Variants in MDN1 observed in about 807,000 individuals in gnomAD.
MDN1 encodes midasin AAA ATPase 1.
In MDN1, 266 loss-of-function variants were observed where a neutral mutation model predicts 669.2. The ratio of observed to expected loss-of-function variants is 0.40; its 90% CI spans 0.36 to 0.44. MDN1 has a LOEUF of 0.44. MDN1 is among the 20% of genes least tolerant of loss of function. MDN1 has a pLI of 1.00. For missense variants in MDN1, 5,940 were observed against 6,754.0 expected (o/e 0.88, Z 4.22); for synonymous variants, 2,385 against 2,457.1 (o/e 0.97, Z 0.87).
chr6:89,814,056 C>T (rs1474429156), intron 1 of MDN1, among the ~76,000 whole-genome samples: 2 of 151,954 alleles, frequency 1.3e-5, no homozygotes, highest in African/African-American at 4.8e-5. Flanking sequence ...CTCTCCAGAT[C>T]CTGTCTTAAA....
intron 37 of MDN1, among the ~76,000 whole-genome samples, chr6:89,726,561 T>A (rs1228227738): frequency 2.0e-5 from 3 of 151,452 alleles, no homozygotes; most frequent in Non-Finnish European, 4.4e-5. Context: ...GTTAACTCTT[T>A]AAATACTTTC....
At chr6:89,712,536 G>T in intron 48 of MDN1, 39 bp downstream of exon 48, 5 of 1,586,132 alleles carry the variant, frequency 3.2e-6, no homozygotes, top group Non-Finnish European at 4.3e-6. Context: ...ATAAAAACCA[G>T]CCAAGAAACC....
intron 53 of MDN1, among the ~76,000 whole-genome samples, chr6:89,705,590 A>G (rs1813460649): frequency 6.6e-6 from 1 of 152,232 alleles, no homozygotes; most frequent in South Asian, 2.1e-4. Flanking sequence ...GATACATGAA[A>G]CCACATGGAT....
At chr6:89,682,780 A>C (rs1189804716) in intron 73 of MDN1, among the ~76,000 whole-genome samples, 1 of 148,056 alleles carries the variant, frequency 6.8e-6, no homozygotes, top group Non-Finnish European at 1.5e-5. Context: ...TCTCTACAAA[A>C]AAAAAAAAAA....
chr6:89,689,704 A>T (rs1457515756), intron 65 of MDN1, among the ~76,000 whole-genome samples, 166 bp downstream of exon 65: 1 of 152,240 alleles, frequency 6.6e-6, no homozygotes, highest in East Asian at 1.9e-4. Context: ...ACAGAATCCT[A>T]AATCAATTTT....
At chr6:89,648,011 C>T (rs746623165) in intron 99 of MDN1, 21 bp downstream of exon 99, 1 of 1,544,052 alleles carries the variant, frequency 6.5e-7, no homozygotes, top group Non-Finnish European at 9.0e-7. Context: ...GTGCAGAAGA[C>T]ATTTTATTTC....
intron 1 of MDN1, among the ~76,000 whole-genome samples, chr6:89,814,543 A>G (rs995269426): frequency 2.6e-5 from 4 of 152,146 alleles, no homozygotes; most frequent in Admixed American, 1.3e-4. Context: ...TAGCTTTGAC[A>G]AATTTTGAAA....
intron 1 of MDN1, among the ~76,000 whole-genome samples, chr6:89,819,080 C>A (rs1769073425): frequency 6.6e-6 from 1 of 152,192 alleles, no homozygotes; most frequent in Admixed American, 6.5e-5. Flanking sequence ...TTACGCACAG[C>A]AGGAATGCAA....
At chr6:89,763,402 T>G (rs1817654822) in intron 15 of MDN1, among the ~76,000 whole-genome samples, 1 of 151,890 alleles carries the variant, frequency 6.6e-6, no homozygotes, top group Admixed American at 6.6e-5. Flanking sequence ...GCTCAACTTG[T>G]ACTTCTTAGT....
chr6:89,647,183 G>A (rs1808544376), intron 99 of MDN1, among the ~76,000 whole-genome samples: 1 of 152,122 alleles, frequency 6.6e-6, no homozygotes, highest in Non-Finnish European at 1.5e-5. Flanking sequence ...TGCTTCCCTG[G>A]GGCATAAGAA....
intron 73 of MDN1, among the ~76,000 whole-genome samples, chr6:89,682,569 G>A (rs1169785321): frequency 7.9e-5 from 12 of 151,672 alleles, no homozygotes; most frequent in African/African-American, 2.7e-4. Context: ...TTAGCCAGGC[G>A]TGGTGGTGGG....
chr6:89,683,172 G>A lies in MDN1; in HGVS notation c.12062C>T (p.Ala4021Val). Residue 4021 changes from alanine (A) to valine (V), a missense_variant, in exon 73 of 102, where the codon GCA becomes GTA. Ala to Val is a moderately conservative substitution (Grantham distance 64). Coordinates refer to ENST00000369393, the MANE Select transcript of MDN1 (RefSeq NM_014611.3). ...ELSSIQNLNR[A>V]LRETLLAQPA... ...TTGGGCTAACAGGGTCTCCCTCAGT[G>A]CCCTGTTCAGATTCTGAATGGAAGA... 6.2e-7 allele frequency: 1 copy of A among 1,614,124 alleles called. No individual in the cohort carries two copies. Among genetic ancestry groups the A allele is most frequent in the Non-Finnish European group, 8.5e-7 (1 of 1,180,016 alleles).
At position 89,758,289 on chromosome 6, in the gene MDN1, C is replaced by T. The variant is rs753149068; in HGVS notation, c.2668G>A (p.Gly890Ser). The change falls in exon 19 of 102, where the codon GGC becomes AGC. Residue 890 changes from glycine to serine, a missense_variant. By Grantham distance (56) the Gly-to-Ser change is moderately conservative. Transcript: ENST00000369393. ...FACMNPATDV[G>S]KRNLPPGIRN... ...ATTCCTGGTGGGAGATTTCTTTTGC[C>T]TACATCAGTTGCTGGATTCATACAG... The T allele has an allele frequency of 1.4e-5, 23 of 1,612,098 alleles. No homozygotes were observed. In the Admixed American group the frequency reaches 3.3e-4, roughly 23 times the overall value.
intron 49 of MDN1, 62 bp downstream of exon 49, chr6:89,711,974 C>T (rs1314072767): frequency 4.3e-6 from 6 of 1,387,114 alleles, no homozygotes; most frequent in Non-Finnish European, 6.0e-6. Flanking sequence ...GCTGCTGAGG[C>T]ACTTAAATAG....
chr6:89,693,234 G>A, intron 62 of MDN1, 86 bp from the exon 63 acceptor site: 1 of 905,632 alleles, frequency 1.1e-6, no homozygotes, highest in Non-Finnish European at 1.7e-6. Flanking sequence ...AAAACCGAAG[G>A]AAGAAACATC....
At chr6:89,663,072 T>C in intron 85 of MDN1, 105 bp from the exon 86 acceptor site, 1 of 1,250,152 alleles carries the variant, frequency 8.0e-7, no homozygotes. Context: ...CCACCTGAGA[T>C]TTATTGCCTT....
chr6:89,783,862 G>A (rs574887744), intron 9 of MDN1, among the ~76,000 whole-genome samples: 2 of 152,028 alleles, frequency 1.3e-5, no homozygotes, highest in Non-Finnish European at 2.9e-5. Context: ...ATAGTGGCAT[G>A]CACCAGCTAC....
At chr6:89,664,961 C>T (rs1399375788) in intron 84 of MDN1, among the ~76,000 whole-genome samples, 9 of 152,130 alleles carry the variant, frequency 5.9e-5, no homozygotes, top group East Asian at 5.8e-4. Flanking sequence ...TCACTATTAT[C>T]GCTGAAAGAC....
chr6:89,746,612 AAAGAAAG>A (rs1251574304), intron 27 of MDN1, among the ~76,000 whole-genome samples: 7 of 5,250 alleles, frequency 1.3e-3, no homozygotes, highest in Admixed American at 2.3e-3. Flanking sequence ...AAAAAAAAAA[AAAGAAAG>A]AAAGAAAGAA....
Sources: gnomAD v4.1 joint callset for allele counts (sites outside exome capture counted in the v4.1 genomes callset) on GRCh38, gnomAD v4.1.1 for gene constraint, MANE v1.5 for transcripts, NCBI Gene and HGNC (gene_info 2026-07-23, HGNC 2026-07-21) for gene names.